The following PCID2 variants were observed in gnomAD, a reference collection of about 807,000 sequenced individuals.
The protein encoded by PCID2 is PCI domain-containing protein 2.
Under a neutral mutation model 61.3 loss-of-function variants are expected in PCID2, and 41 were observed. The ratio of observed to expected loss-of-function variants is 0.67; its 90% CI spans 0.52 to 0.87. PCID2 has a LOEUF of 0.87. Ranked by LOEUF, PCID2 falls within the 40% of genes least tolerant of loss-of-function variation. PCID2 has a pLI of 0.00. For missense variants in PCID2, 392 were observed against 493.4 expected (o/e 0.79, Z 1.95); for synonymous variants, 187 against 177.8 (o/e 1.05, Z -0.41).
intron 1 of PCID2, among the ~76,000 whole-genome samples, chr13:113,205,959 G>A (rs1339000475): frequency 1.3e-5 from 2 of 152,226 alleles, no homozygotes; most frequent in East Asian, 3.8e-4. Context: ...TAAGTTATGA[G>A]TACTTCGGTG....
chr13:113,183,334 C>T (rs534852993), intron 9 of PCID2, among the ~76,000 whole-genome samples: 1 of 152,024 alleles, frequency 6.6e-6, no homozygotes, highest in South Asian at 2.1e-4. Context: ...TTCAAAAATA[C>T]CACTTACTGA....
At chr13:113,168,024 C>T in the PCID2 span, among the ~76,000 whole-genome samples, 5 of 152,170 alleles carry the variant, frequency 3.3e-5, no homozygotes, top group Admixed American at 6.5e-5. Flanking sequence ...CACATCCGCT[C>T]GCTGTAGCAT....
chr13:113,179,531 G>A lies in PCID2; in HGVS notation c.986+386C>T, dbSNP rs2037426461. On this transcript the variant is annotated intron_variant, in intron 12 of 13. Coordinates refer to ENST00000337344, the MANE Select transcript of PCID2 (RefSeq NM_001127202.4). This position sits in a 1 kb window ranked among gnomAD's most constrained non-coding sequence, Gnocchi z 4.3. Reference sequence around the variant, plus strand: ...GAAGACGTGTGAGGAAAGGAATGACGATCTCTGCATCTGCCTTTGTGACAG... The same window carrying A: ...GAAGACGTGTGAGGAAAGGAATGACAATCTCTGCATCTGCCTTTGTGACAG... Among the ~76,000 whole-genome samples the A allele has an allele frequency of 6.6e-6, 1 of 152,148 alleles. No individual in the cohort carries two copies. Among genetic ancestry groups the A allele is most frequent in the South Asian group, 2.1e-4 (1 of 4,828 alleles).
At chr13:113,207,354 T>C (rs1288716907) in intron 1 of PCID2, among the ~76,000 whole-genome samples, 2 of 152,228 alleles carry the variant, frequency 1.3e-5, no homozygotes, top group Admixed American at 6.5e-5. Flanking sequence ...GGGGAAAAAT[T>C]GTAAAAGATT....
rs140418080 is a variant in PCID2, at chr13:113,197,148, G to T, written c.266+30C>A. The T allele has an allele frequency of 1.3e-5, 21 of 1,614,036 alleles. No homozygotes were observed. The East Asian group carries it at 4.5e-4, about 34-fold the overall frequency. On this transcript the variant is annotated intron_variant, in intron 4 of 13. Transcript: ENST00000337344. ...GTAATCCACTGCATGTGTTCTATGC[G>T]GGACAGCTGCCATGAACGACAAAGG...
chr13:113,192,660 A>G (rs1463958539), intron 6 of PCID2, among the ~76,000 whole-genome samples: 1 of 152,172 alleles, frequency 6.6e-6, no homozygotes, highest in East Asian at 1.9e-4. Context: ...CCTTACTCCA[A>G]GGCTTTTCTG....
chr13:113,184,180 A>C (rs1255121787), intron 9 of PCID2, among the ~76,000 whole-genome samples, 166 bp downstream of exon 9: 2 of 152,252 alleles, frequency 1.3e-5, no homozygotes, highest in Non-Finnish European at 2.9e-5. Flanking sequence ...AGAATCTTCA[A>C]TATAATTTCC....
intron 1 of PCID2, 154 bp downstream of exon 1, chr13:113,208,445 C>G: frequency 6.6e-7 from 1 of 1,519,324 alleles, no homozygotes; most frequent in Admixed American, 2.0e-5. Flanking sequence ...CCGGCCGCCG[C>G]TGTTCGGCTC....
chr13:113,174,072 C>CAA (rs572076571), downstream of PCID2, among the ~76,000 whole-genome samples: 2 of 137,214 alleles, frequency 1.5e-5, no homozygotes, highest in African/African-American at 5.3e-5. Context: ...ACTAAAAATA[C>CAA]AAAAAAAAAA....
chr13:113,177,932 G>C lies in PCID2; in HGVS notation c.*266C>G, dbSNP rs2037255690. On this transcript the variant is annotated 3_prime_UTR_variant, in exon 14 of 14. Coordinates refer to ENST00000337344, the MANE Select transcript of PCID2 (RefSeq NM_001127202.4). Reference sequence around the variant, plus strand: ...GTGAGCCGAGCAGCCTTCACGCAAAGCCTCCTTCAAAGAAGTCTCACAAAG... The same window carrying C: ...GTGAGCCGAGCAGCCTTCACGCAAACCCTCCTTCAAAGAAGTCTCACAAAG... The C allele has an allele frequency of 3.4e-6, 1 of 296,058 alleles. No individual in the cohort carries two copies. The highest frequency in any genetic ancestry group is 4.7e-5 in the Admixed American group (1 of 21,110). The allele number at this position is 296,058 out of a possible 1,614,324, so 18.3% of individuals were successfully genotyped here. A position where few individuals can be genotyped will look rare whatever the true frequency, so the allele number is the denominator to read the frequency against.
At chr13:113,208,272 G>A (rs1423962182) in intron 1 of PCID2, 2 of 1,440,410 alleles carry the variant, frequency 1.4e-6, no homozygotes, top group East Asian at 2.5e-5. Context: ...TGGCCCGCAG[G>A]CCCTTCGGAC....
At position 113,204,993 on chromosome 13, in the gene PCID2, G is replaced by A. The variant is rs1451915333; in HGVS notation, c.36+3606C>T. On this transcript the variant is annotated intron_variant, in intron 1 of 13. Transcript: ENST00000337344. ...TCTGGCCCCAGGAAGACTTCCTTGT[G>A]GTTGCTGCATGCCCCTCACGCCCTC... Among the ~76,000 whole-genome samples the A allele has an allele frequency of 2.0e-5, 3 of 152,164 alleles. No homozygotes were observed. The East Asian group carries it at 5.8e-4, about 29-fold the overall frequency.
At chr13:113,172,717 G>A (rs762958455), downstream of PCID2, among the ~76,000 whole-genome samples, 2 of 152,332 alleles carry the variant, frequency 1.3e-5, no homozygotes, top group South Asian at 2.1e-4. Flanking sequence ...TTGTGCACCC[G>A]CCCTTCTCTG....
intron 7 of PCID2, chr13:113,187,999 G>A (rs2038272726): frequency 6.6e-6 from 1 of 152,240 alleles, no homozygotes; most frequent in Non-Finnish European, 1.5e-5. Context: ...GAGCTCCTGG[G>A]GTGCAAGGAA....
chr13:113,205,965 C>T (rs867291191), intron 1 of PCID2, among the ~76,000 whole-genome samples: 1 of 152,160 alleles, frequency 6.6e-6, no homozygotes, highest in Non-Finnish European at 1.5e-5. Flanking sequence ...ATGAGTACTT[C>T]GGTGGGGCAA....
chr13:113,201,802 C>G (rs188530639), intron 1 of PCID2, among the ~76,000 whole-genome samples: 1 of 97,734 alleles, frequency 1.0e-5, no homozygotes, highest in Admixed American at 1.6e-4. Flanking sequence ...GGCGACAGAG[C>G]AAGACTCCGT....
rs977004587 is a variant in PCID2, at chr13:113,197,252, G to A, written c.201-9C>T. ...CCACTGCATAAGTGCACCTGGAGGAGAAACAGAAACATGCTGTCACACAAT... is the reference window on the plus strand; with the variant it reads ...CCACTGCATAAGTGCACCTGGAGGAAAAACAGAAACATGCTGTCACACAAT... On this transcript the variant is annotated splice_polypyrimidine_tract_variant and intron_variant, in intron 3 of 13. Transcript: ENST00000337344. The A allele has an allele frequency of 6.3e-7, 1 of 1,579,722 alleles. No homozygotes were observed.
At chr13:113,182,901 G>A (rs968056408) in intron 9 of PCID2, among the ~76,000 whole-genome samples, 5 of 152,162 alleles carry the variant, frequency 3.3e-5, no homozygotes, top group Non-Finnish European at 7.3e-5. Flanking sequence ...AAAATATGTA[G>A]AGGGGTATAA....
the PCID2 span, chr13:113,165,015 C>A: frequency 6.3e-7 from 1 of 1,597,870 alleles, no homozygotes; most frequent in Non-Finnish European, 8.6e-7. Flanking sequence ...GCTGAGAAGG[C>A]GCTGATTTTT....
Sources: allele counts gnomAD v4.1 joint callset (sites outside exome capture counted in the v4.1 genomes callset), GRCh38; gene constraint gnomAD v4.1.1; non-coding constraint Gnocchi (gnomAD v3.1); transcripts MANE v1.5; gene names NCBI Gene and HGNC (gene_info 2026-07-23, HGNC 2026-07-21).